The following RIMS2 variants were observed in gnomAD, a reference collection of about 807,000 sequenced individuals.
RIMS2 encodes regulating synaptic membrane exocytosis protein 2.
In RIMS2, 59 loss-of-function variants were observed where a neutral mutation model predicts 174.4. The ratio of observed to expected loss-of-function variants is 0.34; its 90% CI spans 0.27 to 0.42. RIMS2 has a LOEUF of 0.42. Among genes scored for constraint, RIMS2 ranks in the 10% least tolerant of loss-of-function variants. The pLI is 1.00. For missense variants in RIMS2, 1,620 were observed against 1,666.3 expected, an observed-to-expected ratio of 0.97 and a Z score of 0.48; for synonymous variants, 606 against 572.5, an observed-to-expected ratio of 1.06 and a Z score of -0.84.
intron 19 of RIMS2, among the ~76,000 whole-genome samples, chr8:104,079,194 A>G (rs2154562863): frequency 6.6e-6 from 1 of 152,232 alleles, no homozygotes; most frequent in East Asian, 1.9e-4. Context: ...TTAGTAACAT[A>G]AAGTTTCTAA....
chr8:103,998,068 T>C, intron 17 of RIMS2: 1 of 688,884 alleles, frequency 1.5e-6, no homozygotes, highest in Non-Finnish European at 2.4e-6. Context: ...ACAGTTTCCA[T>C]GTGCTTTGCT....
intron 1 of RIMS2, among the ~76,000 whole-genome samples, chr8:103,660,309 T>A (rs1189936608): frequency 6.6e-6 from 1 of 152,214 alleles, no homozygotes; most frequent in Non-Finnish European, 1.5e-5. Context: ...GGGCAGCAAG[T>A]GAAGCGCTAG....
chr8:103,675,520 C>T (rs2096797557), intron 1 of RIMS2, among the ~76,000 whole-genome samples: 1 of 152,064 alleles, frequency 6.6e-6, no homozygotes, highest in Non-Finnish European at 1.5e-5. Flanking sequence ...TGTCCAGATC[C>T]CAGAACCTAG....
intron 1 of RIMS2, among the ~76,000 whole-genome samples, chr8:103,694,074 T>C (rs914811443): frequency 6.6e-6 from 1 of 152,194 alleles, no homozygotes; most frequent in Non-Finnish European, 1.5e-5. Flanking sequence ...GTGGTTTGGC[T>C]TGGCACTGGG....
chr8:103,769,904 ATTAC>A (rs1378941740), intron 3 of RIMS2, among the ~76,000 whole-genome samples: 8 of 152,248 alleles, frequency 5.3e-5, no homozygotes, highest in African/African-American at 1.7e-4. Flanking sequence ...GTTCACAAAA[ATTAC>A]TTTTAGTCAG....
At position 103,594,722 on chromosome 8, in the gene RIMS2, T is replaced by C. The variant is rs368467978; in HGVS notation, c.176+93660T>C. ...TATGGAAATACAGGATATTAGTAAA[T>C]TGTAAATGTTTCTAACCTCAAGACA... is the stretch of plus-strand genomic sequence containing the variant. On this transcript the variant is annotated intron_variant, in intron 1 of 23. Coordinates refer to ENST00000504942, the Ensembl canonical transcript of RIMS2. Among the ~76,000 whole-genome samples the C allele has an allele frequency of 3.0e-4, 45 of 151,930 alleles. No homozygotes were observed. In the East Asian group the frequency reaches 3.9e-3, roughly 13 times the overall value.
intron 2 of RIMS2, among the ~76,000 whole-genome samples, chr8:103,707,611 G>A (rs2097249632): frequency 6.6e-6 from 1 of 152,162 alleles, no homozygotes; most frequent in Admixed American, 6.6e-5. Flanking sequence ...AAGTGAAAGG[G>A]GTCCCTCTCA....
intron 2 of RIMS2, among the ~76,000 whole-genome samples, chr8:103,750,101 G>C (rs1157637580): frequency 5.9e-5 from 9 of 151,898 alleles, no homozygotes; most frequent in Non-Finnish European, 1.0e-4. Context: ...CCACTAGTCT[G>C]TGCTATAGCA....
In RIMS2 at chr8:103,591,386, C is replaced by T. The variant is rs148263402; in HGVS notation, c.176+90324C>T. On this transcript the variant is annotated intron_variant, in intron 1 of 23. Coordinates refer to ENST00000504942, the Ensembl canonical transcript of RIMS2. ...TGTCTTCTCATTTTCTTCATAATAT[C>T]TTTTGATGAAAGTTAGTTTAAAATT... 6.6e-5 allele frequency among the ~76,000 whole-genome samples: 10 copies of T among 151,002 alleles called. No homozygotes were observed. In the East Asian group the frequency reaches 1.9e-3, roughly 29 times the overall value.
intron 19 of RIMS2, among the ~76,000 whole-genome samples, chr8:104,071,342 C>T (rs2097191923): frequency 6.6e-6 from 1 of 152,328 alleles, no homozygotes; most frequent in African/African-American, 2.4e-5. Flanking sequence ...AGATCAGCAA[C>T]ATCAGCATCA....
chr8:103,766,909 T>C (rs1023330590), intron 3 of RIMS2, among the ~76,000 whole-genome samples: 2 of 152,116 alleles, frequency 1.3e-5, no homozygotes, highest in African/African-American at 4.8e-5. Context: ...AAGTGGGAGT[T>C]AAGGTAATAG....
intron 2 of RIMS2, among the ~76,000 whole-genome samples, chr8:103,746,928 C>T (rs1045472382): frequency 2.6e-5 from 4 of 151,982 alleles, no homozygotes; most frequent in African/African-American, 9.7e-5. Flanking sequence ...GATCTGCCTG[C>T]CTTGGCCTCC....
chr8:103,800,907 A>T (rs990463064), intron 3 of RIMS2, among the ~76,000 whole-genome samples: 5 of 152,090 alleles, frequency 3.3e-5, no homozygotes, highest in Admixed American at 1.3e-4. Context: ...TTATTTCTTT[A>T]AATGTTTGAT....
At chr8:103,775,793 A>G (rs964736663) in intron 3 of RIMS2, among the ~76,000 whole-genome samples, 2 of 152,212 alleles carry the variant, frequency 1.3e-5, no homozygotes, top group African/African-American at 4.8e-5. Context: ...GATGTTTAAC[A>G]TAGTATAATA....
At chr8:104,124,131 A>G (rs1260410650) in intron 19 of RIMS2, among the ~76,000 whole-genome samples, 2 of 152,182 alleles carry the variant, frequency 1.3e-5, no homozygotes, top group Non-Finnish European at 2.9e-5. Flanking sequence ...AGAGAAAAAC[A>G]AAACTTTTTT....
At chr8:104,020,941 G>T (rs1031894025) in intron 19 of RIMS2, among the ~76,000 whole-genome samples, 29 of 151,894 alleles carry the variant, frequency 1.9e-4, no homozygotes, top group African/African-American at 7.0e-4. Flanking sequence ...CTATCAAAAT[G>T]GTAGGACTGT....
At chr8:103,918,625 A>C (rs1259740918) in intron 9 of RIMS2, 138 bp downstream of exon 12, 4 of 649,324 alleles carry the variant, frequency 6.2e-6, no homozygotes, top group African/African-American at 1.8e-5. Context: ...AAAGATGGAA[A>C]ATTTAGTATT....
At chr8:104,059,724 C>A (rs201241712) in intron 19 of RIMS2, among the ~76,000 whole-genome samples, 2 of 150,936 alleles carry the variant, frequency 1.3e-5, no homozygotes, top group Admixed American at 6.6e-5. Context: ...GATAGCTCTT[C>A]TTATTTTGAG....
intron 1 of RIMS2, among the ~76,000 whole-genome samples, chr8:103,645,502 C>A (rs1397380383): frequency 6.6e-6 from 1 of 152,012 alleles, no homozygotes; most frequent in African/African-American, 2.4e-5. Flanking sequence ...TTAGGTATAG[C>A]CTTGTAATGA....
Sources: gnomAD v4.1 joint callset for allele counts (sites outside exome capture counted in the v4.1 genomes callset) on GRCh38, gnomAD v4.1.1 for gene constraint, MANE v1.5 for transcripts, NCBI Gene and HGNC (gene_info 2026-07-23, HGNC 2026-07-21) for gene names.